HECTD4: variants seen among roughly 807,000 people sequenced by gnomAD.
The protein encoded by HECTD4 is probable E3 ubiquitin-protein ligase HECTD4.
HECTD4 carries 114 observed loss-of-function variants against 471.5 expected under a neutral mutation model. That is an observed-to-expected ratio of 0.24 (90% CI 0.21 to 0.28). The LOEUF is 0.28. Among genes scored for constraint, HECTD4 ranks in the 10% least tolerant of loss-of-function variants. The probability of loss-of-function intolerance (pLI) is 1.00; values close to 1 mark genes in which losing one functional copy is unlikely to be tolerated. For synonymous variants in HECTD4, 2,012 were observed against 2,256.0 expected (o/e 0.89, Z 3.07); for missense variants, 3,866 against 5,651.5 (o/e 0.68, Z 10.13).
chr12:112,308,602 TA>T, intron 6 of HECTD4, 150 bp downstream of exon 6: 2 of 728,034 alleles, frequency 2.7e-6, no homozygotes, highest in Non-Finnish European at 4.2e-6. Flanking sequence ...AGACATTAAA[TA>T]AAAAACAGAA....
At position 112,179,525 on chromosome 12, in the gene HECTD4, C is replaced by T. The variant is rs1215793611; in HGVS notation, c.10988-128G>A. 8 of 844,136 alleles carry T rather than the reference C, an allele frequency of 9.5e-6. No homozygotes were observed. The highest frequency in any genetic ancestry group is 1.3e-5 in the Non-Finnish European group (7 of 533,170). 52.3% of individuals were successfully genotyped at this position (844,136 alleles called of 1,614,324 possible). A position where few individuals can be genotyped will look rare whatever the true frequency, so the allele number is the denominator to read the frequency against. On this transcript the variant is annotated intron_variant, in intron 62 of 75. Coordinates refer to ENST00000682272, the MANE Select transcript of HECTD4 (RefSeq NM_001388303.1). The surrounding 1 kb of genome is among the most constrained non-coding windows in gnomAD (Gnocchi z 4.3). ...TGGACATTAGTGGAAGGAAGAGCTG[C>T]CCACCAAAGCCTGGCTCCCTCCCTG...
At chr12:112,261,497 G>T (rs2135600729) in intron 17 of HECTD4, 68 bp from the exon 18 acceptor site, 7 of 1,365,626 alleles carry the variant, frequency 5.1e-6, no homozygotes, top group Non-Finnish European at 7.1e-6. Context: ...ATGACAACAT[G>T]AAATGATGTA....
chr12:112,172,194 C>T (rs7970181), intron 67 of HECTD4, among the ~76,000 whole-genome samples: 21,566 of 152,234 alleles, frequency 0.14, 1,911 homozygotes, highest in African/African-American at 0.25. Context: ...TGAGCTAGCG[C>T]GCCTGGCCCA....
intron 1 of HECTD4, among the ~76,000 whole-genome samples, chr12:112,331,163 C>A (rs1055491799): frequency 6.6e-6 from 1 of 152,088 alleles, no homozygotes; most frequent in Non-Finnish European, 1.5e-5. Flanking sequence ...TGCCGCCTCC[C>A]GGATTCAAGT....
rs780291519 is a variant in HECTD4 at position 112,172,686 on chromosome 12, C to T, written c.11770G>A (p.Val3924Met). The change falls in exon 67 of 76, where the codon GTG becomes ATG. Residue 3924 changes from valine to methionine, a missense_variant. Physicochemically the swap from Val to Met is conservative, Grantham distance 21. Transcript: ENST00000682272. ...GGCCACATACTCAGGAGACAGGCCA[C>T]TCTGGGGTCAGCAGCATCCGCGGGG... ...LDPADAADPR[V>M]ACLLNVPIES... 54 of 1,613,982 alleles carry T rather than the reference C, an allele frequency of 3.3e-5. No homozygotes were observed. Among genetic ancestry groups the T allele is most frequent in the Admixed American group, 8.3e-5 (5 of 60,032 alleles).
At chr12:112,258,059 T>C (rs2034060867) in intron 20 of HECTD4, among the ~76,000 whole-genome samples, 1 of 151,916 alleles carries the variant, frequency 6.6e-6, no homozygotes, top group African/African-American at 2.4e-5. Context: ...TGTGGTGGCG[T>C]ACGCCTGTAA....
chr12:112,378,090 C>A (rs953020775), intron 1 of HECTD4, among the ~76,000 whole-genome samples: 1 of 152,174 alleles, frequency 6.6e-6, no homozygotes, highest in Non-Finnish European at 1.5e-5. Context: ...CCTGCCACAA[C>A]TAGCTATGCT....
chr12:112,265,732 A>G (rs1324874188), intron 15 of HECTD4, 146 bp downstream of exon 15: 2 of 621,644 alleles, frequency 3.2e-6, no homozygotes, highest in Non-Finnish European at 2.8e-6. Context: ...GGAATCTATT[A>G]TCTTTCAACT....
At chr12:112,289,914 T>C (rs1294805995) in intron 7 of HECTD4, among the ~76,000 whole-genome samples, 2 of 152,048 alleles carry the variant, frequency 1.3e-5, no homozygotes, top group African/African-American at 4.8e-5. Flanking sequence ...TGACCTCAGG[T>C]AATCCTCCCG....
chr12:112,355,259 G>C (rs556696459), intron 1 of HECTD4, among the ~76,000 whole-genome samples: 1 of 137,000 alleles, frequency 7.3e-6, no homozygotes, highest in East Asian at 2.3e-4. Context: ...ACAGGTGTGA[G>C]CCACCGCGCC....
chr12:112,268,029 T>C (rs534017234), intron 13 of HECTD4, among the ~76,000 whole-genome samples: 3 of 152,252 alleles, frequency 2.0e-5, no homozygotes, highest in African/African-American at 7.2e-5. Flanking sequence ...TCTTACTATG[T>C]TGCCCAGACT....
intron 62 of HECTD4, among the ~76,000 whole-genome samples, chr12:112,182,384 TA>T (rs11290669): frequency 0.24 from 30,760 of 130,206 alleles, 5,141 homozygotes; most frequent in East Asian, 0.85. Context: ...AAAGAGGAAT[TA>T]AAAAAAAAAA....
intron 35 of HECTD4, 70 bp downstream of exon 35, chr12:112,236,875 C>A: frequency 7.2e-7 from 1 of 1,384,880 alleles, no homozygotes. Context: ...ACAACCACCA[C>A]CAAAAGAAAC....
intron 11 of HECTD4, 39 bp from the exon 12 acceptor site, chr12:112,270,498 T>C: frequency 1.3e-6 from 2 of 1,520,550 alleles, no homozygotes; most frequent in East Asian, 2.2e-5. Flanking sequence ...GAAAGACATC[T>C]CTATGGGTGG....
chr12:112,288,024 T>TC (rs2034793226), intron 7 of HECTD4, among the ~76,000 whole-genome samples: 1 of 151,832 alleles, frequency 6.6e-6, no homozygotes, highest in South Asian at 2.1e-4. Flanking sequence ...TTTTTTTTTT[T>TC]CTACATTAGA....
At chr12:112,191,482 G>T (rs2137037892) in intron 59 of HECTD4, among the ~76,000 whole-genome samples, 1 of 152,294 alleles carries the variant, frequency 6.6e-6, no homozygotes, top group East Asian at 1.9e-4. Context: ...TGTGACCAAA[G>T]CTGTCTACAG....
At chr12:112,181,499 G>C (rs754182825) in intron 62 of HECTD4, among the ~76,000 whole-genome samples, 1 of 152,144 alleles carries the variant, frequency 6.6e-6, no homozygotes, top group Non-Finnish European at 1.5e-5. Flanking sequence ...TAAAGATGGG[G>C]TCACCCAGGT....
At chr12:112,350,319 C>A (rs534478957) in intron 1 of HECTD4, among the ~76,000 whole-genome samples, 5 of 152,288 alleles carry the variant, frequency 3.3e-5, no homozygotes, top group Non-Finnish European at 7.3e-5. Flanking sequence ...GTGCCATTCT[C>A]ATGATATGCT....
chr12:112,169,763 C>A, intron 69 of HECTD4, 105 bp from the exon 70 acceptor site: 1 of 1,330,296 alleles, frequency 7.5e-7, no homozygotes, highest in African/African-American at 1.4e-5. Flanking sequence ...GTCCCTGGAC[C>A]CCTGCTCCCT....
Sources: allele counts gnomAD v4.1 joint callset (sites outside exome capture counted in the v4.1 genomes callset), GRCh38; gene constraint gnomAD v4.1.1; non-coding constraint Gnocchi (gnomAD v3.1); transcripts MANE v1.5; gene names NCBI Gene and HGNC (gene_info 2026-07-23, HGNC 2026-07-21).